SNRNP27: variants seen among roughly 807,000 people sequenced by gnomAD.
SNRNP27 encodes U4/U6.U5 small nuclear ribonucleoprotein 27 kDa protein.
In SNRNP27, 22 loss-of-function variants were observed where a neutral mutation model predicts 25.1. That is an observed-to-expected ratio of 0.88 (90% CI 0.63 to 1.25). The LOEUF (loss-of-function observed/expected upper bound fraction) is 1.25, where lower values mean the gene tolerates loss of function less well. SNRNP27 is among the 50% of genes most tolerant of loss of function. SNRNP27 has a pLI of 0.00. For missense variants in SNRNP27, 150 were observed against 202.3 expected, an observed-to-expected ratio of 0.74 and a Z score of 1.57; for synonymous variants, 66 against 64.9, an observed-to-expected ratio of 1.02 and a Z score of -0.08.
At chr2:69,902,810 TC>T (rs1676728963) in intron 4 of SNRNP27, among the ~76,000 whole-genome samples, 1 of 151,972 alleles carries the variant, frequency 6.6e-6, no homozygotes, top group African/African-American at 2.4e-5. Context: ...TTCTGCTTCT[TC>T]CCCTTCCGCT....
chr2:69,895,251 G>A (rs1314171620), intron 2 of SNRNP27, 37 bp downstream of exon 2: 1 of 1,606,442 alleles, frequency 6.2e-7, no homozygotes. Flanking sequence ...TTTATTTACC[G>A]AAAGTCCCTA....
chr2:69,902,938 C>CTTTTTTTTTTTTTTTT (rs761833954), intron 4 of SNRNP27, among the ~76,000 whole-genome samples: 3 of 92,412 alleles, frequency 3.2e-5, no homozygotes, highest in African/African-American at 4.8e-5. Context: ...TCTTCTTCTT[C>CTTTTTTTTTTTTTTTT]TTTTTTTTTT....
chr2:69,903,516 G>A, intron 5 of SNRNP27: 3 of 353,476 alleles, frequency 8.5e-6, no homozygotes, highest in Non-Finnish European at 1.0e-5. Flanking sequence ...CAAGTCTATG[G>A]GCTTTGATTT....
At chr2:69,894,592 C>G (rs1235959456) in intron 1 of SNRNP27, among the ~76,000 whole-genome samples, 1 of 152,108 alleles carries the variant, frequency 6.6e-6, no homozygotes, top group South Asian at 2.1e-4. Flanking sequence ...ATAAATGAGG[C>G]AGCGCGACGT....
In SNRNP27 at chr2:69,896,447, G is replaced by A. The variant is rs1173334849; in HGVS notation, c.167G>A (p.Arg56Gln). 13 of 1,611,758 alleles carry A rather than the reference G, an allele frequency of 8.1e-6. No individual in the cohort carries two copies. The highest frequency in any genetic ancestry group is 1.1e-5 in the Non-Finnish European group (13 of 1,179,086). The change falls in exon 3 of 6, where the codon CGA (arginine) becomes CAA (glutamine). Residue 56 changes from arginine to glutamine, a missense_variant. Physicochemically the swap from Arg to Gln is conservative, Grantham distance 43. Coordinates refer to ENST00000244227, the MANE Select transcript of SNRNP27 (RefSeq NM_006857.3). ...CTTATAAATATTAGATCTCCAAGAC[G>A]ACATAGATCCACATCTCCTTCCCCT... is the stretch of plus-strand genomic sequence containing the variant. ...PHRRRSRSPRRHRSTSPSPSR... is the reference protein window; with the variant it reads ...PHRRRSRSPRQHRSTSPSPSR...
chr2:69,902,255 CCTT>C (rs1323502680), intron 4 of SNRNP27, among the ~76,000 whole-genome samples: 2 of 149,058 alleles, frequency 1.3e-5, no homozygotes, highest in African/African-American at 2.5e-5. Flanking sequence ...CTTCCTCCTT[CCTT>C]CTTTCTTCTC....
At position 69,896,467 on chromosome 2, in the gene SNRNP27, T is replaced by C; in HGVS notation, c.187T>C (p.Ser63Pro). 1 of 1,611,448 alleles carries C rather than the reference T, an allele frequency of 6.2e-7. No individual in the cohort carries two copies. Among genetic ancestry groups the C allele is most frequent in the Non-Finnish European group, 8.5e-7 (1 of 1,178,840 alleles). ...AAGACGACATAGATCCACATCTCCT[T>C]CCCCTTCTCGACTGAAAGAAAGAAG... is the stretch of plus-strand genomic sequence containing the variant. ...SPRRHRSTSP[S>P]PSRLKERRDE... Residue 63 changes from serine to proline, a missense_variant, in exon 3 of 6, where the codon TCC becomes CCC. By Grantham distance (74) the Ser-to-Pro change is moderately conservative. This residue lies in a region of SNRNP27 where 142 missense variants were observed against 168.6 expected (regional missense o/e 0.84). Coordinates refer to ENST00000244227, the MANE Select transcript of SNRNP27 (RefSeq NM_006857.3).
chr2:69,895,980 T>G (rs1001291079), intron 2 of SNRNP27, among the ~76,000 whole-genome samples: 279 of 151,652 alleles, frequency 1.8e-3, no homozygotes, highest in African/African-American at 6.1e-3. Flanking sequence ...GTTTGTTTTT[T>G]TTTTTTTTGA....
At chr2:69,902,492 CTGCTGCTGCTGCTGCTTG>C (rs897672175) in intron 4 of SNRNP27, among the ~76,000 whole-genome samples, 4 of 151,936 alleles carry the variant, frequency 2.6e-5, no homozygotes, top group African/African-American at 9.7e-5. Context: ...TCTGTTTCCT[CTGCTGCTGCTGCTGCTTG>C]TGCTGCTGCT....
chr2:69,901,172 CAA>C (rs944057272), intron 4 of SNRNP27, among the ~76,000 whole-genome samples: 1 of 112,678 alleles, frequency 8.9e-6, no homozygotes, highest in Non-Finnish European at 1.8e-5. Flanking sequence ...GTCTCCATTT[CAA>C]AAAAAAAAAA....
chr2:69,896,288 C>A (rs946203369), intron 2 of SNRNP27, 148 bp from the exon 3 acceptor site: 1 of 682,748 alleles, frequency 1.5e-6, no homozygotes, highest in Non-Finnish European at 2.4e-6. Flanking sequence ...TTTTTGTTAA[C>A]AATCAAGGCC....
At chr2:69,902,548 G>GCTTCTGCTGCTC in intron 4 of SNRNP27, among the ~76,000 whole-genome samples, 2 of 150,256 alleles carry the variant, frequency 1.3e-5, no homozygotes, top group Middle Eastern at 7.0e-3. Context: ...TGCTTCTGCT[G>GCTTCTGCTGCTC]CTTCTGCTGC....
intron 4 of SNRNP27, among the ~76,000 whole-genome samples, chr2:69,902,938 C>CTTT (rs761833954): frequency 0.036 from 3,368 of 92,276 alleles, 138 homozygotes; most frequent in Non-Finnish European, 0.041. Context: ...TCTTCTTCTT[C>CTTT]TTTTTTTTTT....
At chr2:69,895,054 G>T (rs978665536) in intron 1 of SNRNP27, 40 bp from the exon 2 acceptor site, 1 of 1,608,940 alleles carries the variant, frequency 6.2e-7, no homozygotes, top group South Asian at 1.1e-5. Flanking sequence ...AGATATTTGA[G>T]GTAATTATCA....
chr2:69,900,733 C>T (rs899219040), intron 4 of SNRNP27, among the ~76,000 whole-genome samples: 1 of 152,190 alleles, frequency 6.6e-6, no homozygotes, highest in Non-Finnish European at 1.5e-5. Context: ...TGATACTCAT[C>T]TAAGTCATTT....
chr2:69,904,602 G>C lies in SNRNP27; in HGVS notation c.*294G>C. 4 of 499,098 alleles carry C rather than the reference G, an allele frequency of 8.0e-6. No homozygotes were observed. Among genetic ancestry groups the C allele is most frequent in the Non-Finnish European group, 1.4e-5 (4 of 286,980 alleles). 30.9% of individuals were successfully genotyped at this position (499,098 alleles called of 1,614,324 possible). On this transcript the variant is annotated 3_prime_UTR_variant, in exon 6 of 6. Coordinates refer to ENST00000244227, the MANE Select transcript of SNRNP27 (RefSeq NM_006857.3). ...TGTTTTCTTCCTGAATGCTCATTAGGACTTCTTAAAAAACATGAAAGTAAT... is the reference window on the plus strand; with the variant it reads ...TGTTTTCTTCCTGAATGCTCATTAGCACTTCTTAAAAAACATGAAAGTAAT...
intron 1 of SNRNP27, among the ~76,000 whole-genome samples, chr2:69,894,537 G>T (rs1676565598): frequency 6.6e-6 from 1 of 152,058 alleles, no homozygotes; most frequent in Non-Finnish European, 1.5e-5. Context: ...TAAGAATTTT[G>T]AGTCCTGGGA....
At chr2:69,897,280 G>A in intron 3 of SNRNP27, 97 bp from the exon 4 acceptor site, 1 of 775,958 alleles carries the variant, frequency 1.3e-6, no homozygotes, top group Non-Finnish European at 2.2e-6. Flanking sequence ...TTCTCTGCTA[G>A]TGAGGTGGAA....
At chr2:69,894,399 C>T (rs932306847) in intron 1 of SNRNP27, among the ~76,000 whole-genome samples, 1 of 152,156 alleles carries the variant, frequency 6.6e-6, no homozygotes, top group Non-Finnish European at 1.5e-5. Context: ...GGTAGTATTG[C>T]CAACTTTTAA....
Sources: allele counts gnomAD v4.1 joint callset (sites outside exome capture counted in the v4.1 genomes callset), GRCh38; gene constraint gnomAD v4.1.1; regional missense constraint gnomAD v4.1.1; transcripts MANE v1.5; gene names NCBI Gene and HGNC (gene_info 2026-07-23, HGNC 2026-07-21).